TFAP2D: variants seen among roughly 807,000 people sequenced by gnomAD.
The protein encoded by TFAP2D is transcription factor AP-2-delta.
A neutral mutation model predicts 43.6 loss-of-function variants in TFAP2D; 9 were observed. That is an observed-to-expected ratio of 0.21 (90% CI 0.12 to 0.36). TFAP2D has a LOEUF of 0.36. Ranked by LOEUF, TFAP2D falls within the 10% of genes least tolerant of loss-of-function variation. The pLI is 1.00. For missense variants in TFAP2D, 513 were observed against 561.4 expected, an observed-to-expected ratio of 0.91 and a Z score of 0.87; for synonymous variants, 256 against 224.9, an observed-to-expected ratio of 1.14 and a Z score of -1.24.
intron 7 of TFAP2D, 125 bp downstream of exon 7, chr6:50,751,449 G>T: frequency 3.2e-6 from 2 of 631,950 alleles, no homozygotes; most frequent in Non-Finnish European, 2.8e-6. Flanking sequence ...CTTTCAGATG[G>T]GCTATAACAA....
chr6:50,773,032 C>CAAA (rs112416558), exon 8 of TFAP2D: 23 of 470,290 alleles, frequency 4.9e-5, no homozygotes, highest in South Asian at 4.2e-4. Flanking sequence ...AGGACAAAAC[C>CAAA]AAAAAAAAAA....
intron 5 of TFAP2D, among the ~76,000 whole-genome samples, chr6:50,733,897 A>C (rs1450505577): frequency 2.0e-5 from 3 of 152,058 alleles, no homozygotes; most frequent in African/African-American, 7.2e-5. Flanking sequence ...GAAAGTATAG[A>C]TTATTTAAGC....
intron 5 of TFAP2D, among the ~76,000 whole-genome samples, chr6:50,731,189 C>T (rs1332625102): frequency 1.3e-5 from 2 of 152,086 alleles, no homozygotes; most frequent in African/African-American, 4.8e-5. Context: ...AAGTGCCCGA[C>T]TTGTATTCTA....
intron 6 of TFAP2D, among the ~76,000 whole-genome samples, chr6:50,749,051 T>C (rs1208352338): frequency 1.3e-5 from 2 of 151,822 alleles, no homozygotes; most frequent in African/African-American, 4.8e-5. Flanking sequence ...ATCATAATTC[T>C]GTAAGTGCCA....
intron 7 of TFAP2D, among the ~76,000 whole-genome samples, chr6:50,760,042 A>G (rs1339351570): frequency 1.3e-5 from 2 of 151,970 alleles, no homozygotes; most frequent in Non-Finnish European, 2.9e-5. Flanking sequence ...AACCCTAATT[A>G]TTATACCTAT....
chr6:50,734,403 A>G (rs1263004374), intron 5 of TFAP2D, among the ~76,000 whole-genome samples: 1 of 152,140 alleles, frequency 6.6e-6, no homozygotes, highest in African/African-American at 2.4e-5. Context: ...GCCAGCTGTT[A>G]TAACAGTTCC....
intron 4 of TFAP2D, 83 bp downstream of exon 4, chr6:50,729,104 G>C: frequency 6.2e-7 from 1 of 1,601,424 alleles, no homozygotes; most frequent in Non-Finnish European, 8.5e-7. Flanking sequence ...TCTTCCATCT[G>C]ATAGTGTATT....
chr6:50,759,018 T>C (rs937641054), intron 7 of TFAP2D, among the ~76,000 whole-genome samples: 5 of 152,002 alleles, frequency 3.3e-5, no homozygotes, highest in South Asian at 2.1e-4. Flanking sequence ...TGAATTTTTA[T>C]GGATTTTTAG....
intron 6 of TFAP2D, among the ~76,000 whole-genome samples, chr6:50,748,583 T>C (rs1769157183): frequency 6.6e-6 from 1 of 151,912 alleles, no homozygotes; most frequent in Non-Finnish European, 1.5e-5. Context: ...TGCCACCTTA[T>C]TTCCAGTGTT....
chr6:50,735,331 T>A (rs925997030), intron 5 of TFAP2D, among the ~76,000 whole-genome samples: 3 of 152,156 alleles, frequency 2.0e-5, no homozygotes, highest in Non-Finnish European at 4.4e-5. Context: ...CTTCTGAATT[T>A]AACTAAAGTA....
chr6:50,747,030 T>G (rs1581771296), intron 6 of TFAP2D, among the ~76,000 whole-genome samples: 1 of 152,244 alleles, frequency 6.6e-6, no homozygotes, highest in East Asian at 1.9e-4. Flanking sequence ...GGTATAAAAG[T>G]TGGACTTAAA....
At chr6:50,723,862 A>G (rs907685518) in intron 3 of TFAP2D, among the ~76,000 whole-genome samples, 3 of 151,906 alleles carry the variant, frequency 2.0e-5, no homozygotes, top group African/African-American at 7.3e-5. Context: ...AATATACACC[A>G]TTACACACCT....
At chr6:50,771,596 G>A (rs1228569586) in intron 7 of TFAP2D, among the ~76,000 whole-genome samples, 3 of 152,200 alleles carry the variant, frequency 2.0e-5, no homozygotes, top group African/African-American at 4.8e-5. Context: ...ATCTAAAGGT[G>A]TGTTTTCCAG....
At chr6:50,747,239 G>A (rs2113883944) in intron 6 of TFAP2D, among the ~76,000 whole-genome samples, 1 of 152,146 alleles carries the variant, frequency 6.6e-6, no homozygotes, top group Non-Finnish European at 1.5e-5. Flanking sequence ...AAAAGGAGCT[G>A]AAAGCACATA....
chr6:50,724,488 C>A (rs1361537594), intron 3 of TFAP2D, among the ~76,000 whole-genome samples: 1 of 152,162 alleles, frequency 6.6e-6, no homozygotes, highest in African/African-American at 2.4e-5. Flanking sequence ...GATGCGCGCA[C>A]CGGCCCAGCG....
intron 1 of TFAP2D, among the ~76,000 whole-genome samples, chr6:50,714,403 A>T (rs1187983141): frequency 6.6e-6 from 1 of 152,172 alleles, no homozygotes; most frequent in East Asian, 1.9e-4. Context: ...GGAAAGAAAG[A>T]TTCTCAGAAA....
In TFAP2D at chr6:50,728,850, C is replaced by T; in HGVS notation, c.599-6C>T. The T allele has an allele frequency of 1.2e-6, 2 of 1,609,730 alleles. No homozygotes were observed. The highest frequency in any genetic ancestry group is 1.7e-6 in the Non-Finnish European group (2 of 1,178,640). On this transcript the variant is annotated splice_region_variant and splice_polypyrimidine_tract_variant and intron_variant, in intron 3 of 7. Coordinates refer to ENST00000008391, the MANE Select transcript of TFAP2D (RefSeq NM_172238.4). ...CTAACATGTTATATACTTTTTTTCTCCCAAGGTGGCACCTGTGTGGTCAAC... is the reference window on the plus strand; with the variant it reads ...CTAACATGTTATATACTTTTTTTCTTCCAAGGTGGCACCTGTGTGGTCAAC...
chr6:50,722,879 C>T lies in TFAP2D; in HGVS notation c.598+3729C>T, dbSNP rs1363692300. On this transcript the variant is annotated intron_variant, in intron 3 of 7. Transcript: ENST00000008391. ...GAAGAGGGGAAGCGCCCTTGTTTCG[C>T]TTTGTGATCATTCTGCCTTGCAGCC... 3.3e-5 allele frequency among the ~76,000 whole-genome samples: 5 copies of T among 152,166 alleles called. No homozygotes were observed. The East Asian group carries it at 7.7e-4, about 24-fold the overall frequency.
At chr6:50,758,077 T>G (rs1034365157) in intron 7 of TFAP2D, among the ~76,000 whole-genome samples, 3 of 151,576 alleles carry the variant, frequency 2.0e-5, no homozygotes, top group Non-Finnish European at 4.4e-5. Flanking sequence ...GACGATGGAC[T>G]AGGGAAGTAA....
Sources: allele counts gnomAD v4.1 joint callset (sites outside exome capture counted in the v4.1 genomes callset), GRCh38; gene constraint gnomAD v4.1.1; transcripts MANE v1.5; gene names NCBI Gene and HGNC (gene_info 2026-07-23, HGNC 2026-07-21).